The following RORA variants were observed in gnomAD, a reference collection of about 807,000 sequenced individuals.
The protein encoded by RORA is nuclear receptor ROR-alpha.
Under a neutral mutation model 69.5 loss-of-function variants are expected in RORA, and 7 were observed. The observed-to-expected ratio is 0.10, with a 90% CI of 0.06 to 0.19. The LOEUF is 0.19. RORA is among the 10% of genes least tolerant of loss of function. RORA has a pLI of 1.00. For synonymous variants in RORA, 261 were observed against 240.8 expected (o/e 1.08, Z -0.78); for missense variants, 457 against 663.0 (o/e 0.69, Z 3.41).
intron 1 of RORA, among the ~76,000 whole-genome samples, chr15:61,117,962 C>G (rs2079065550): frequency 6.6e-6 from 1 of 152,214 alleles, no homozygotes; most frequent in African/African-American, 2.4e-5. Context: ...AATCCCTCCT[C>G]CACTTGATAA....
chr15:60,853,700 G>C (rs1305292452), intron 1 of RORA, among the ~76,000 whole-genome samples: 2 of 152,120 alleles, frequency 1.3e-5, no homozygotes, highest in African/African-American at 4.8e-5. Flanking sequence ...GCCCAGCAAG[G>C]GCAACCATGC....
intron 1 of RORA, among the ~76,000 whole-genome samples, chr15:60,855,194 T>C (rs547500733): frequency 9.6e-4 from 146 of 152,322 alleles, no homozygotes; most frequent in Non-Finnish European, 1.9e-3. Context: ...TACTTTAAAG[T>C]TTCCTGGAAC....
At chr15:61,219,852 A>G (rs1313977818) in intron 1 of RORA, among the ~76,000 whole-genome samples, 1 of 152,222 alleles carries the variant, frequency 6.6e-6, no homozygotes, top group Non-Finnish European at 1.5e-5. Flanking sequence ...AGTATCACAT[A>G]TTTAACATAC....
At chr15:61,204,557 C>G (rs964904562) in intron 1 of RORA, among the ~76,000 whole-genome samples, 6 of 152,150 alleles carry the variant, frequency 3.9e-5, no homozygotes, top group African/African-American at 1.2e-4. Flanking sequence ...CAGGGGACAC[C>G]TGAGGCCAGG....
chr15:60,759,366 A>G (rs749741561), intron 1 of RORA, among the ~76,000 whole-genome samples: 59 of 152,150 alleles, frequency 3.9e-4, no homozygotes, highest in Admixed American at 1.3e-4. Flanking sequence ...TTTTATCTTG[A>G]GATTAATTGA....
At chr15:61,167,822 TCCCACCCCACCCACCAC>T (rs1567019997) in intron 1 of RORA, among the ~76,000 whole-genome samples, 1 of 152,104 alleles carries the variant, frequency 6.6e-6, no homozygotes, top group Admixed American at 6.6e-5. Context: ...TCCAAGGTGG[TCCCACCCCACCCACCAC>T]TCTCCTACAC....
chr15:60,609,746 C>T (rs1381029913), intron 2 of RORA, among the ~76,000 whole-genome samples: 2 of 152,182 alleles, frequency 1.3e-5, no homozygotes, highest in Non-Finnish European at 2.9e-5. Flanking sequence ...GGGGTCTCCA[C>T]GGTTGCCTGA....
chr15:60,614,920 GAGA>G lies in RORA; in HGVS notation c.196+63734_196+63736del, dbSNP rs777461728. The G allele has an allele frequency of 5.6e-6, 9 of 1,613,758 alleles. No individual in the cohort carries two copies. In the Admixed American group the frequency reaches 6.7e-5, roughly 12 times the overall value. The stretch of plus-strand genomic sequence containing the variant: ...TTTTCTCAATGCAGGGAGCAGAAAA[GAGA>G]AGAACTCCCTTAAATTAATAAAGTT... On this transcript the variant is annotated intron_variant, in intron 2 of 10. Coordinates refer to ENST00000335670, the MANE Select transcript of RORA (RefSeq NM_134261.3).
At chr15:60,808,767 A>G (rs2072698021) in intron 1 of RORA, among the ~76,000 whole-genome samples, 1 of 151,278 alleles carries the variant, frequency 6.6e-6, no homozygotes, top group Non-Finnish European at 1.5e-5. Context: ...CATATATACA[A>G]ATTTATGTGT....
chr15:61,223,924 T>C (rs2080121968), intron 1 of RORA, among the ~76,000 whole-genome samples: 1 of 152,004 alleles, frequency 6.6e-6, no homozygotes, highest in South Asian at 2.1e-4. Flanking sequence ...TACAATTTTA[T>C]TTTAACATAC....
chr15:61,141,880 A>T (rs2079302537), intron 1 of RORA, among the ~76,000 whole-genome samples: 1 of 140,792 alleles, frequency 7.1e-6, no homozygotes, highest in East Asian at 2.2e-4. Context: ...ATTAGCAAAG[A>T]GCTGCCTCAC....
intron 2 of RORA, among the ~76,000 whole-genome samples, chr15:60,620,587 T>C (rs1266203531): frequency 6.6e-6 from 1 of 152,210 alleles, no homozygotes; most frequent in Non-Finnish European, 1.5e-5. Context: ...TTTGTGACAC[T>C]TGCACCAGCA....
intron 1 of RORA, among the ~76,000 whole-genome samples, chr15:61,103,480 C>A (rs757299795): frequency 6.6e-6 from 1 of 152,166 alleles, no homozygotes; most frequent in Non-Finnish European, 1.5e-5. Flanking sequence ...GGTGGGGTGC[C>A]CCCTGCAGCA....
intron 1 of RORA, among the ~76,000 whole-genome samples, chr15:60,883,110 G>A (rs991419959): frequency 1.8e-5 from 2 of 113,992 alleles, no homozygotes; most frequent in African/African-American, 6.9e-5. Context: ...CCGCCTGGGC[G>A]ACAGAGAGAG....
intron 3 of RORA, among the ~76,000 whole-genome samples, chr15:60,521,265 C>T (rs180953165): frequency 2.3e-4 from 33 of 143,060 alleles, no homozygotes; most frequent in African/African-American, 6.8e-4. Context: ...TTTTTTGAGA[C>T]GGAGTCTTGG....
intron 1 of RORA, among the ~76,000 whole-genome samples, chr15:60,871,526 C>A (rs528457873): frequency 6.6e-6 from 1 of 152,328 alleles, no homozygotes; most frequent in African/African-American, 2.4e-5. Flanking sequence ...ATATTAATAT[C>A]ACCAACTCAG....
intron 1 of RORA, among the ~76,000 whole-genome samples, chr15:60,893,548 G>C (rs1203138269): frequency 6.6e-6 from 1 of 152,170 alleles, no homozygotes; most frequent in Non-Finnish European, 1.5e-5. Context: ...CCGATATGCA[G>C]TTGAATTTCC....
At chr15:60,515,024 C>T (rs1405967642) in intron 3 of RORA, among the ~76,000 whole-genome samples, 1 of 152,126 alleles carries the variant, frequency 6.6e-6, no homozygotes. Context: ...AGGCACAGGA[C>T]CAGGTCCTTG....
At chr15:60,697,795 T>C (rs1359912204) in intron 1 of RORA, among the ~76,000 whole-genome samples, 1 of 152,236 alleles carries the variant, frequency 6.6e-6, no homozygotes, top group African/African-American at 2.4e-5. Context: ...CAGTGCTTTA[T>C]AATAAATTTA....
Sources: gnomAD v4.1 joint callset for allele counts (sites outside exome capture counted in the v4.1 genomes callset) on GRCh38, gnomAD v4.1.1 for gene constraint, MANE v1.5 for transcripts, NCBI Gene and HGNC (gene_info 2026-07-23, HGNC 2026-07-21) for gene names.